The following PTPN14 variants were observed in gnomAD, a reference collection of about 807,000 sequenced individuals.
PTPN14 encodes the protein protein tyrosine phosphatase non-receptor type 14, also known as tyrosine-protein phosphatase non-receptor type 14.
In PTPN14, 53 loss-of-function variants were observed where a neutral mutation model predicts 126.8. The observed-to-expected ratio is 0.42, with a 90% CI of 0.34 to 0.53. PTPN14 has a LOEUF of 0.53. Ranked by LOEUF, PTPN14 falls within the 20% of genes least tolerant of loss-of-function variation. PTPN14 has a pLI of 0.08. For missense variants in PTPN14, 1,257 were observed against 1,552.9 expected, an observed-to-expected ratio of 0.81 and a Z score of 3.20; for synonymous variants, 630 against 599.3, an observed-to-expected ratio of 1.05 and a Z score of -0.75.
intron 18 of PTPN14, among the ~76,000 whole-genome samples, chr1:214,360,858 G>A (rs1260821943): frequency 6.6e-6 from 1 of 152,240 alleles, no homozygotes; most frequent in Non-Finnish European, 1.5e-5. Context: ...AGTGTTGGGG[G>A]AGGGACCTGG....
At chr1:214,520,063 AAAAT>A (rs1400887326) in intron 1 of PTPN14, among the ~76,000 whole-genome samples, 1 of 78,092 alleles carries the variant, frequency 1.3e-5, no homozygotes, top group African/African-American at 7.3e-5. Flanking sequence ...AAAAAAAAAA[AAAAT>A]ATATATATAT....
At chr1:214,362,583 A>C (rs916285169) in intron 18 of PTPN14, among the ~76,000 whole-genome samples, 3 of 152,242 alleles carry the variant, frequency 2.0e-5, no homozygotes, top group Non-Finnish European at 4.4e-5. Context: ...CCCCCATGTC[A>C]TTGCCTCACT....
Position 214,477,671 on chromosome 1 carries a change from T to C in PTPN14, c.-154-12714A>G, listed in dbSNP as rs188901619. On this transcript the variant is annotated intron_variant, in intron 1 of 18. Transcript: ENST00000366956. The stretch of plus-strand genomic sequence containing the variant: ...CAAGCCTGGGCCTCTAGAGATGAGA[T>C]ACTGCATGTGGGGATGGCTCTTCCC... 2.2e-4 allele frequency among the ~76,000 whole-genome samples: 34 copies of C among 152,304 alleles called. No homozygotes were observed. In the East Asian group the frequency reaches 5.4e-3, roughly 24 times the overall value.
intron 1 of PTPN14, among the ~76,000 whole-genome samples, chr1:214,503,794 G>A (rs929140226): frequency 6.6e-6 from 1 of 152,192 alleles, no homozygotes; most frequent in African/African-American, 2.4e-5. Context: ...GTTTGTATGC[G>A]TTCAGCAGCA....
intron 1 of PTPN14, among the ~76,000 whole-genome samples, chr1:214,499,380 CAT>C (rs58699544): frequency 0.064 from 9,552 of 149,330 alleles, 766 homozygotes; most frequent in East Asian, 0.27. Context: ...AGAGGGTAGG[CAT>C]ATATATATAT....
intron 3 of PTPN14, among the ~76,000 whole-genome samples, chr1:214,439,360 T>C (rs894437367): frequency 6.6e-6 from 1 of 152,224 alleles, no homozygotes; most frequent in Non-Finnish European, 1.5e-5. Flanking sequence ...CATAAACATC[T>C]ATCTTTTCTA....
rs1489646644 is a variant in PTPN14 at position 214,477,384 on chromosome 1, A to G, written c.-154-12427T>C. On this transcript the variant is annotated intron_variant, in intron 1 of 18. Transcript: ENST00000366956. ...ATGCACGTACATGCACCACAAACCCATTACAATTGTTCTTTCTTCTCTCTG... is the reference window on the plus strand; with the variant it reads ...ATGCACGTACATGCACCACAAACCCGTTACAATTGTTCTTTCTTCTCTCTG... Among the ~76,000 whole-genome samples, 4 of 152,262 alleles carry G rather than the reference A, an allele frequency of 2.6e-5. No individual in the cohort carries two copies. The East Asian group carries it at 5.8e-4, about 22-fold the overall frequency.
At chr1:214,419,316 G>A (rs1659493130) in intron 3 of PTPN14, among the ~76,000 whole-genome samples, 1 of 152,108 alleles carries the variant, frequency 6.6e-6, no homozygotes, top group Non-Finnish European at 1.5e-5. Flanking sequence ...CTCCTCTAGA[G>A]TTCAAATTTA....
intron 3 of PTPN14, among the ~76,000 whole-genome samples, chr1:214,418,925 C>G (rs1659483113): frequency 6.6e-6 from 1 of 152,136 alleles, no homozygotes; most frequent in South Asian, 2.1e-4. Flanking sequence ...ATCTACAGAC[C>G]AGAGTTTCTG....
At chr1:214,505,303 G>A (rs1051083646) in intron 1 of PTPN14, among the ~76,000 whole-genome samples, 3 of 152,096 alleles carry the variant, frequency 2.0e-5, no homozygotes, top group African/African-American at 4.8e-5. Context: ...GGAACACCCA[G>A]GGAAGCAGGA....
intron 1 of PTPN14, among the ~76,000 whole-genome samples, chr1:214,506,662 C>A (rs902285778): frequency 6.6e-6 from 1 of 152,124 alleles, no homozygotes; most frequent in Non-Finnish European, 1.5e-5. Flanking sequence ...TGGGGTTCTG[C>A]CAGGTGGCCA....
chr1:214,366,765 G>A (rs1375381645), intron 17 of PTPN14, among the ~76,000 whole-genome samples: 2 of 152,092 alleles, frequency 1.3e-5, no homozygotes, highest in African/African-American at 4.8e-5. Context: ...CCAGCACTTT[G>A]GGAGGCCGAG....
At chr1:214,498,410 A>C (rs1477766375) in intron 1 of PTPN14, among the ~76,000 whole-genome samples, 1 of 152,234 alleles carries the variant, frequency 6.6e-6, no homozygotes, top group African/African-American at 2.4e-5. Context: ...TGGATCTTAA[A>C]TAATTCAGAG....
chr1:214,383,963 G>A lies in PTPN14; in HGVS notation c.1892C>T (p.Thr631Ile), dbSNP rs777016106. ...LQEVSEPLTA[T>I]KHHGTVNKRH... is the part of the protein sequence containing the mutation. Reference sequence around the variant, plus strand: ...CTTGTTCACAGTGCCGTGGTGCTTGGTGGCCGTGAGGGGCTCGCTCACCTC... The same window carrying A: ...CTTGTTCACAGTGCCGTGGTGCTTGATGGCCGTGAGGGGCTCGCTCACCTC... Residue 631 changes from threonine (T) to isoleucine (I), a missense_variant, in exon 13 of 19, where the codon ACC (threonine) becomes ATC (isoleucine). By Grantham distance (89) the Thr-to-Ile change is moderately conservative. Transcript: ENST00000366956. This position sits in a 1 kb window ranked among gnomAD's most constrained non-coding sequence, Gnocchi z 4.4. 1 of 1,612,242 alleles carries A rather than the reference G, an allele frequency of 6.2e-7. No homozygotes were observed. The highest frequency in any genetic ancestry group is 8.5e-7 in the Non-Finnish European group (1 of 1,180,024).
intron 5 of PTPN14, 48 bp downstream of exon 5, chr1:214,411,636 G>T: frequency 7.6e-7 from 1 of 1,323,616 alleles, no homozygotes; most frequent in Non-Finnish European, 1.1e-6. Flanking sequence ...AGAACTAAAT[G>T]TCCAAAGAAG....
At chr1:214,480,711 C>T (rs1298280575) in intron 1 of PTPN14, among the ~76,000 whole-genome samples, 2 of 152,190 alleles carry the variant, frequency 1.3e-5, no homozygotes, top group African/African-American at 2.4e-5. Context: ...CTGTTGCCCC[C>T]CACCAAGTGT....
At chr1:214,359,798 G>A (rs950916112) in intron 18 of PTPN14, among the ~76,000 whole-genome samples, 1 of 152,054 alleles carries the variant, frequency 6.6e-6, no homozygotes, top group African/African-American at 2.4e-5. Context: ...TAGCATTATG[G>A]GCATGAGCCA....
In PTPN14 at chr1:214,364,762, G is replaced by GGTGAGT. The variant is rs1553258556; in HGVS notation, c.3272-93_3272-88dup. The GGTGAGT allele has an allele frequency of 1.4e-6, 1 of 714,542 alleles. No individual in the cohort carries two copies. The highest frequency in any genetic ancestry group is 2.0e-6 in the Non-Finnish European group (1 of 494,638). 44.3% of individuals were successfully genotyped at this position (714,542 alleles called of 1,614,324 possible). On this transcript the variant is annotated intron_variant, in intron 17 of 18. Coordinates refer to ENST00000366956, the MANE Select transcript of PTPN14 (RefSeq NM_005401.5). This position sits in a 1 kb window ranked among gnomAD's most constrained non-coding sequence, Gnocchi z 4.1. ...GAGGGGGGAGCGGAAGAGAACTGAT[G>GGTGAGT]GTGAGTGTGTGTGTGTGTGTGTGTG...
chr1:214,548,654 G>T (rs1219909108), intron 1 of PTPN14, among the ~76,000 whole-genome samples: 1 of 152,276 alleles, frequency 6.6e-6, no homozygotes, highest in Non-Finnish European at 1.5e-5. Context: ...ACCCAGGGGG[G>T]CTATAATATG....
Sources: gnomAD v4.1 joint callset for allele counts (sites outside exome capture counted in the v4.1 genomes callset) on GRCh38, gnomAD v4.1.1 for gene constraint, Gnocchi (gnomAD v3.1) non-coding constraint, MANE v1.5 for transcripts, NCBI Gene and HGNC (gene_info 2026-07-23, HGNC 2026-07-21) for gene names.